RRBP1: variants seen among roughly 807,000 people sequenced by gnomAD.
RRBP1 encodes the protein ribosome-binding protein 1.
In RRBP1, 94 loss-of-function variants were observed where a neutral mutation model predicts 165.2. That is an observed-to-expected ratio of 0.57 (90% CI 0.48 to 0.68). The LOEUF is 0.68. Ranked by LOEUF, RRBP1 falls within the 30% of genes least tolerant of loss-of-function variation. The pLI is 0.00. For synonymous variants in RRBP1, 680 were observed against 714.5 expected (o/e 0.95, Z 0.77); for missense variants, 1,676 against 1,763.0 (o/e 0.95, Z 0.88).
At chr20:17,636,791 G>A (rs539431116) in intron 5 of RRBP1, 62 bp from the exon 6 acceptor site, 1 of 1,594,444 alleles carries the variant, frequency 6.3e-7, no homozygotes. Context: ...CCTATCAGAA[G>A]GGAGCAAGAG....
chr20:17,629,254 G>A (rs544267660), intron 9 of RRBP1, among the ~76,000 whole-genome samples: 2 of 152,356 alleles, frequency 1.3e-5, no homozygotes, highest in Non-Finnish European at 2.9e-5. Context: ...AGTGAGCCAA[G>A]GGCCACGGGC....
At position 17,658,832 on chromosome 20, in the gene RRBP1, T is replaced by C; in HGVS notation, c.1676A>G (p.Lys559Arg). Residue 559 changes from lysine (K) to arginine (R), a missense_variant, in exon 3 of 25, where the codon AAG becomes AGG. By Grantham distance (26) the Lys-to-Arg change is conservative. Coordinates refer to ENST00000377813, the MANE Select transcript of RRBP1 (RefSeq NM_001365613.2). ...CCCCTGGTTTGTAATACCCTCTACC[T>C]TTGTGCCCTGATTAGCAACCGAATC... ...KADSVANQGT[K>R]VEGITNQGKK... The C allele has an allele frequency of 6.2e-7, 1 of 1,614,026 alleles. No homozygotes were observed. Among genetic ancestry groups the C allele is most frequent in the Non-Finnish European group, 8.5e-7 (1 of 1,179,896 alleles).
intron 8 of RRBP1, among the ~76,000 whole-genome samples, chr20:17,631,245 T>C (rs1568762608): frequency 6.6e-6 from 1 of 152,242 alleles, no homozygotes; most frequent in Non-Finnish European, 1.5e-5. Context: ...CCCTCACACC[T>C]CTGCCTCGAC....
chr20:17,632,569 T>C (rs1187963310), intron 8 of RRBP1, among the ~76,000 whole-genome samples: 1 of 152,214 alleles, frequency 6.6e-6, no homozygotes, highest in East Asian at 1.9e-4. Context: ...CTCTTAAAAT[T>C]TCGTGTCTGT....
intron 5 of RRBP1, among the ~76,000 whole-genome samples, chr20:17,640,181 A>T (rs768410367): frequency 9.9e-5 from 15 of 152,182 alleles, no homozygotes; most frequent in Non-Finnish European, 1.9e-4. Context: ...GTCTGACAGG[A>T]GCCAGATGCA....
At chr20:17,646,755 C>CA (rs1012821288) in intron 3 of RRBP1, among the ~76,000 whole-genome samples, 14 of 152,178 alleles carry the variant, frequency 9.2e-5, no homozygotes, top group Admixed American at 9.2e-4. Flanking sequence ...ACTCATCTGG[C>CA]AAAGAGGCAC....
At chr20:17,625,702 G>A (rs2036004628) in intron 11 of RRBP1, 100 bp from the exon 12 acceptor site, 4 of 993,140 alleles carry the variant, frequency 4.0e-6, no homozygotes, top group Non-Finnish European at 6.3e-6. Context: ...CTTCGAGGCT[G>A]AACCATCTGG....
At chr20:17,624,795 C>A (rs747564692) in intron 12 of RRBP1, 127 bp from the exon 13 acceptor site, 3 of 682,954 alleles carry the variant, frequency 4.4e-6, no homozygotes, top group South Asian at 1.7e-5. Context: ...GGACCTGCCA[C>A]GGGACAAAAT....
intron 2 of RRBP1, among the ~76,000 whole-genome samples, chr20:17,671,196 G>C (rs2036971387): frequency 6.6e-6 from 1 of 152,018 alleles, no homozygotes; most frequent in Non-Finnish European, 1.5e-5. Flanking sequence ...CTTCCTCATA[G>C]GTATTTTCAA....
In RRBP1 at chr20:17,659,917, A is replaced by C. The variant is rs1383619765; in HGVS notation, c.591T>G (p.Thr197=). The change falls in exon 3 of 25, where the codon ACT becomes ACG. Residue 197 remains threonine, a synonymous_variant. Transcript: ENST00000377813. The part of the protein sequence containing the change: ...AKGNTPATGT[T]QGKKAEGTQN... ...GAGTCCCCTCCGCCTTTTTGCCCTGAGTAGTGCCAGTGGCTGGTGTGTTGC... is the reference window on the plus strand; with the variant it reads ...GAGTCCCCTCCGCCTTTTTGCCCTGCGTAGTGCCAGTGGCTGGTGTGTTGC... 3.2e-6 allele frequency: 5 copies of C among 1,567,304 alleles called. No homozygotes were observed. Among genetic ancestry groups the C allele is most frequent in the Non-Finnish European group, 4.3e-6 (5 of 1,154,668 alleles).
intron 13 of RRBP1, 39 bp downstream of exon 13, chr20:17,624,537 C>A: frequency 1.4e-6 from 2 of 1,414,564 alleles, no homozygotes; most frequent in Non-Finnish European, 2.0e-6. Context: ...TCCTAGTGCA[C>A]TTTCCATGGT....
chr20:17,624,883 A>G (rs896668896), intron 12 of RRBP1, among the ~76,000 whole-genome samples: 3 of 152,218 alleles, frequency 2.0e-5, no homozygotes, highest in Admixed American at 2.0e-4. Flanking sequence ...AGCATGGCAC[A>G]GGGTGAAGAG....
chr20:17,629,234 G>C (rs919490691), intron 9 of RRBP1, among the ~76,000 whole-genome samples: 1 of 152,230 alleles, frequency 6.6e-6, no homozygotes, highest in African/African-American at 2.4e-5. Flanking sequence ...GGAGGGGCTC[G>C]GGAAGCGCCA....
At chr20:17,657,687 A>T (rs1261095851) in intron 3 of RRBP1, among the ~76,000 whole-genome samples, 1 of 152,254 alleles carries the variant, frequency 6.6e-6, no homozygotes, top group East Asian at 1.9e-4. Flanking sequence ...AACATGAAAC[A>T]GGAACTCCCT....
chr20:17,635,140 G>A (rs976592096), intron 7 of RRBP1, among the ~76,000 whole-genome samples: 11 of 152,200 alleles, frequency 7.2e-5, no homozygotes, highest in African/African-American at 1.9e-4. Context: ...GCAGAAGTGC[G>A]GCTGTACTCA....
intron 4 of RRBP1, 104 bp from the exon 5 acceptor site, chr20:17,642,023 A>C (rs2036372261): frequency 7.9e-7 from 1 of 1,273,500 alleles, no homozygotes; most frequent in South Asian, 1.4e-5. Flanking sequence ...GAAGTGGAGC[A>C]GGGGCTTCGA....
intron 20 of RRBP1, 43 bp downstream of exon 20, chr20:17,618,553 C>T (rs771147253): frequency 6.9e-7 from 1 of 1,456,132 alleles, no homozygotes; most frequent in Non-Finnish European, 9.7e-7. Context: ...ACACGCAACG[C>T]CCCAGGTCAC....
At chr20:17,619,951 A>C in intron 18 of RRBP1, 1 of 546,438 alleles carries the variant, frequency 1.8e-6, no homozygotes, top group Non-Finnish European at 3.2e-6. Flanking sequence ...ATGCTCTTAG[A>C]TTTACTTGCA....
intron 11 of RRBP1, 69 bp downstream of exon 11, chr20:17,627,279 G>A: frequency 1.3e-6 from 2 of 1,536,420 alleles, no homozygotes; most frequent in South Asian, 1.2e-5. Context: ...GAAAACCCTG[G>A]CCCCCCAAGG....
Sources: allele counts gnomAD v4.1 joint callset (sites outside exome capture counted in the v4.1 genomes callset), GRCh38; gene constraint gnomAD v4.1.1; transcripts MANE v1.5; gene names NCBI Gene and HGNC (gene_info 2026-07-23, HGNC 2026-07-21).